The following SAV1 variants were observed in gnomAD, a reference collection of about 807,000 sequenced individuals.
SAV1 encodes the protein protein salvador homolog 1.
In SAV1, 23 loss-of-function variants were observed where a neutral mutation model predicts 47.3. That is an observed-to-expected ratio of 0.49 (90% CI 0.35 to 0.69). The LOEUF is 0.69. Ranked by LOEUF, SAV1 falls within the 30% of genes least tolerant of loss-of-function variation. The probability of loss-of-function intolerance (pLI) is 0.01; values close to 1 mark genes in which losing one functional copy is unlikely to be tolerated. For missense variants in SAV1, 448 were observed against 457.4 expected (o/e 0.98, Z 0.19); for synonymous variants, 155 against 159.2 (o/e 0.97, Z 0.20).
chr14:50,633,941 ACC>A lies in SAV1; in HGVS notation c.*1240_*1241del, dbSNP rs2039609274. On this transcript the variant is annotated 3_prime_UTR_variant, in exon 5 of 5. Transcript: ENST00000324679. ...TTATGAAAAATGTTTTAACTATTAA[ACC>A]AAAAGGGGAGAAAAACTGGGAGGGA... The A allele has an allele frequency of 1.0e-5, 2 of 193,876 alleles. No individual in the cohort carries two copies. Among genetic ancestry groups the A allele is most frequent in the Admixed American group, 1.1e-4 (2 of 18,836 alleles). The allele number at this position is 193,876 out of a possible 1,614,324, so 12.0% of individuals were successfully genotyped here.
intron 3 of SAV1, 119 bp from the exon 4 acceptor site, chr14:50,641,012 A>G (rs2039677524): frequency 4.6e-6 from 4 of 864,338 alleles, no homozygotes; most frequent in Non-Finnish European, 6.9e-6. Flanking sequence ...ACTGACTTAC[A>G]CCACCTGAAA....
chr14:50,667,018 G>A (rs1057046342), intron 1 of SAV1, among the ~76,000 whole-genome samples: 5 of 152,024 alleles, frequency 3.3e-5, no homozygotes, highest in African/African-American at 7.3e-5. Flanking sequence ...CAGCTTCCAA[G>A]AAGGAAACTT....
At chr14:50,648,773 G>A (rs1048452660) in intron 2 of SAV1, among the ~76,000 whole-genome samples, 11 of 150,900 alleles carry the variant, frequency 7.3e-5, no homozygotes, top group East Asian at 1.9e-4. Flanking sequence ...GCAAGACTCC[G>A]TCTCAAAAAA....
chr14:50,660,737 C>T (rs1347416891), intron 2 of SAV1, among the ~76,000 whole-genome samples: 1 of 152,182 alleles, frequency 6.6e-6, no homozygotes. Flanking sequence ...CATTAACCTA[C>T]CTCTCTTTAC....
At chr14:50,667,757 A>G in intron 1 of SAV1, 117 bp downstream of exon 1, 1 of 719,020 alleles carries the variant, frequency 1.4e-6, no homozygotes, top group South Asian at 1.7e-5. Context: ...CAAAACCAGT[A>G]TTTCACGCGA....
At chr14:50,652,088 T>C (rs1047795281) in intron 2 of SAV1, among the ~76,000 whole-genome samples, 3 of 152,142 alleles carry the variant, frequency 2.0e-5, no homozygotes, top group East Asian at 1.9e-4. Flanking sequence ...AGTTACATAA[T>C]TGTCAACAGG....
chr14:50,635,256 G>T lies in SAV1; in HGVS notation c.1079C>A (p.Ala360Asp), dbSNP rs1390436330. ...IVKMYEAYRQ[A>D]LLTELENRKQ... ...TCGGTTTTCCAACTCTGTAAGAAGG[G>T]CTTGTCTGTATGCTTCATACATTTT... Residue 360 changes from alanine (A) to aspartate (D), a missense_variant, in exon 5 of 5, where the codon GCC becomes GAC. Coordinates refer to ENST00000324679, the MANE Select transcript of SAV1 (RefSeq NM_021818.4). The T allele has an allele frequency of 3.1e-6, 5 of 1,614,092 alleles. No homozygotes were observed. The highest frequency in any genetic ancestry group is 4.2e-6 in the Non-Finnish European group (5 of 1,179,992).
At chr14:50,641,745 G>A (rs1361926382) in intron 3 of SAV1, among the ~76,000 whole-genome samples, 1 of 152,176 alleles carries the variant, frequency 6.6e-6, no homozygotes, top group East Asian at 1.9e-4. Context: ...AAAAATGAAT[G>A]CTTATACACT....
intron 2 of SAV1, 117 bp downstream of exon 2, chr14:50,665,062 G>C (rs1299215128): frequency 7.2e-7 from 1 of 1,395,270 alleles, no homozygotes; most frequent in African/African-American, 1.5e-5. Flanking sequence ...GAGCAAAGTG[G>C]AAAAACATTT....
At chr14:50,645,637 C>T (rs1595639146) in intron 2 of SAV1, among the ~76,000 whole-genome samples, 2 of 151,548 alleles carry the variant, frequency 1.3e-5, no homozygotes, top group Non-Finnish European at 2.9e-5. Flanking sequence ...GGATAATCAA[C>T]CTGTGGCAGT....
intron 2 of SAV1, among the ~76,000 whole-genome samples, chr14:50,658,388 G>A (rs1249916349): frequency 6.6e-6 from 1 of 152,138 alleles, no homozygotes; most frequent in East Asian, 1.9e-4. Context: ...GTTAACAGCA[G>A]GATTCCTTTC....
chr14:50,639,054 G>A (rs1041533894), intron 4 of SAV1, among the ~76,000 whole-genome samples: 1 of 152,166 alleles, frequency 6.6e-6, no homozygotes, highest in African/African-American at 2.4e-5. Flanking sequence ...GGCATGAGCC[G>A]CCGCACCCGG....
At chr14:50,654,576 T>C (rs2039796594) in intron 2 of SAV1, among the ~76,000 whole-genome samples, 1 of 152,246 alleles carries the variant, frequency 6.6e-6, no homozygotes, top group Admixed American at 6.5e-5. Flanking sequence ...TTTGAAATAT[T>C]GCAAGAATTA....
At chr14:50,654,981 C>T (rs2039800279) in intron 2 of SAV1, among the ~76,000 whole-genome samples, 3 of 128,192 alleles carry the variant, frequency 2.3e-5, no homozygotes, top group African/African-American at 9.0e-5. Context: ...GGTACCCTTT[C>T]AAAAGAAAGC....
chr14:50,635,604 A>C (rs1466606671), intron 4 of SAV1, among the ~76,000 whole-genome samples: 8 of 152,160 alleles, frequency 5.3e-5, no homozygotes, highest in Non-Finnish European at 1.0e-4. Context: ...GCTTGTGCCC[A>C]AGAGTTTGAG....
In SAV1 at chr14:50,637,667, T is replaced by TTTTTTTTTTTG. The variant is rs1205332668; in HGVS notation, c.951-2284_951-2283insCAAAAAAAAAA. 8.4e-3 allele frequency: 783 copies of TTTTTTTTTTTG among 93,490 alleles called. 8 individuals are homozygous for TTTTTTTTTTTG. The highest frequency in any genetic ancestry group is 0.038 in the African/African-American group (738 of 19,314). The allele number at this position is 93,490 out of a possible 1,614,324, so 5.8% of individuals were successfully genotyped here. A position where few individuals can be genotyped will look rare whatever the true frequency, so the allele number is the denominator to read the frequency against. On this transcript the variant is annotated intron_variant, in intron 4 of 4. Transcript: ENST00000324679. Reference sequence around the variant, plus strand: ...AAATCTTCAAACAATTTTGTCAGTTTTTTTTTTTTTTTTTTTTTTTTTAAG... The same window carrying TTTTTTTTTTTG: ...AAATCTTCAAACAATTTTGTCAGTTTTTTTTTTTTTGTTTTTTTTTTTTTTTTTTTTTTAAG...
chr14:50,646,795 C>A (rs2039726267), intron 2 of SAV1, among the ~76,000 whole-genome samples: 1 of 149,482 alleles, frequency 6.7e-6, no homozygotes, highest in South Asian at 2.1e-4. Context: ...GTAGCCAAAA[C>A]AATTTTTTTG....
At chr14:50,644,535 T>C (rs78692462) in intron 3 of SAV1, among the ~76,000 whole-genome samples, 1 of 150,876 alleles carries the variant, frequency 6.6e-6, no homozygotes, top group Non-Finnish European at 1.5e-5. Context: ...ATCTTGTTTT[T>C]GAGGTTTTTT....
At position 50,635,004 on chromosome 14, in the gene SAV1, T is replaced by TA. The variant is rs1432909745; in HGVS notation, c.*178dup. 5.1e-6 allele frequency: 3 copies of TA among 589,364 alleles called. No individual in the cohort carries two copies. The highest frequency in any genetic ancestry group is 8.9e-6 in the Non-Finnish European group (3 of 336,226). The allele number at this position is 589,364 out of a possible 1,614,324, so 36.5% of individuals were successfully genotyped here. On this transcript the variant is annotated 3_prime_UTR_variant, in exon 5 of 5. Coordinates refer to ENST00000324679, the MANE Select transcript of SAV1 (RefSeq NM_021818.4). ...TTTGCCATATTGGCTCTTAAAATGA[T>TA]AGACTAATTTTTCTCATTCAATAAA...
Sources: allele counts gnomAD v4.1 joint callset (sites outside exome capture counted in the v4.1 genomes callset), GRCh38; gene constraint gnomAD v4.1.1; transcripts MANE v1.5; gene names NCBI Gene and HGNC (gene_info 2026-07-23, HGNC 2026-07-21).